The following FHIP1A variants were observed in gnomAD, a reference collection of about 807,000 sequenced individuals.
FHIP1A encodes FHF complex subunit HOOK-interacting protein 1A.
In FHIP1A, 61 loss-of-function variants were observed where a neutral mutation model predicts 88.6. The observed-to-expected ratio is 0.69, with a 90% confidence interval of 0.56 to 0.85. FHIP1A has a LOEUF of 0.85. FHIP1A is among the 40% of genes least tolerant of loss of function. The pLI, the probability that FHIP1A is intolerant of heterozygous loss-of-function variation, is 0.00. For missense variants in FHIP1A, 1,154 were observed against 1,273.5 expected, an observed-to-expected ratio of 0.91 and a Z score of 1.43; for synonymous variants, 478 against 496.0, an observed-to-expected ratio of 0.96 and a Z score of 0.48.
chr4:151,645,452 GA>G (rs1469287775), intron 9 of FHIP1A, among the ~76,000 whole-genome samples: 3 of 152,058 alleles, frequency 2.0e-5, no homozygotes, highest in African/African-American at 7.2e-5. Context: ...AGGTATGGGA[GA>G]TGGTTGAATG....
At chr4:151,604,254 G>A (rs565342234) in intron 7 of FHIP1A, among the ~76,000 whole-genome samples, 1 of 151,854 alleles carries the variant, frequency 6.6e-6, no homozygotes, top group African/African-American at 2.4e-5. Flanking sequence ...GGCAGCTCTC[G>A]GTGCCCATGT....
intron 3 of FHIP1A, among the ~76,000 whole-genome samples, chr4:151,526,886 G>A (rs1233105961): frequency 4.6e-5 from 7 of 151,178 alleles, no homozygotes; most frequent in African/African-American, 1.7e-4. Flanking sequence ...ATCCCGGACG[G>A]GGCGGCAGGG....
chr4:151,576,009 G>C (rs991528304), intron 4 of FHIP1A, among the ~76,000 whole-genome samples: 1 of 152,118 alleles, frequency 6.6e-6, no homozygotes, highest in African/African-American at 2.4e-5. Context: ...ATAAATGTTT[G>C]GTTGTTTAAA....
intron 3 of FHIP1A, among the ~76,000 whole-genome samples, chr4:151,532,095 T>G (rs1731898380): frequency 6.6e-6 from 1 of 152,174 alleles, no homozygotes; most frequent in South Asian, 2.1e-4. Flanking sequence ...AGAAGTTGAG[T>G]AGCTACATGA....
intron 3 of FHIP1A, among the ~76,000 whole-genome samples, chr4:151,564,317 G>A (rs1733295220): frequency 6.6e-6 from 1 of 152,184 alleles, no homozygotes; most frequent in Non-Finnish European, 1.5e-5. Context: ...TAACCTAAAT[G>A]AAAGGCCTTG....
chr4:151,500,830 T>C (rs936398398), intron 3 of FHIP1A, among the ~76,000 whole-genome samples: 2 of 152,164 alleles, frequency 1.3e-5, no homozygotes, highest in African/African-American at 2.4e-5. Context: ...ATACATGAAA[T>C]TGTTGGAGGT....
intron 3 of FHIP1A, among the ~76,000 whole-genome samples, chr4:151,559,703 AT>A (rs945017435): frequency 2.0e-5 from 3 of 152,144 alleles, no homozygotes; most frequent in Non-Finnish European, 2.9e-5. Flanking sequence ...CTTTTCAATC[AT>A]TTACCATTTA....
At chr4:151,485,405 C>T (rs530672850) in intron 3 of FHIP1A, among the ~76,000 whole-genome samples, 11 of 148,514 alleles carry the variant, frequency 7.4e-5, no homozygotes, top group African/African-American at 2.5e-4. Flanking sequence ...ATACCCTTGT[C>T]TTGGTCTTTA....
At chr4:151,568,737 T>C (rs1393886548) in intron 4 of FHIP1A, among the ~76,000 whole-genome samples, 1 of 152,210 alleles carries the variant, frequency 6.6e-6, no homozygotes, top group African/African-American at 2.4e-5. Context: ...GGGGCTATTA[T>C]GGCTGGAAAT....
At chr4:151,581,770 G>T (rs1162640325) in intron 5 of FHIP1A, among the ~76,000 whole-genome samples, 1 of 152,152 alleles carries the variant, frequency 6.6e-6, no homozygotes, top group Non-Finnish European at 1.5e-5. Context: ...TTGAGAAAAA[G>T]GTTTCTCTAA....
At position 151,666,651 on chromosome 4, in the gene FHIP1A, A is replaced by G. The variant is rs7692744; in HGVS notation, c.*3897A>G. 0.049 allele frequency among the ~76,000 whole-genome samples: 7,513 copies of G among 152,254 alleles called. 582 individuals are homozygous for G. Among genetic ancestry groups the G allele is most frequent in the African/African-American group, 0.16 (6,820 of 41,512 alleles). ...TCGAAAGTTGTTTCCAGTGTCTCCA[A>G]ATCAGCTTGGCTGTGGCCGTCATGT... On this transcript the variant is annotated 3_prime_UTR_variant, in exon 14 of 14. Transcript: ENST00000435205.
In FHIP1A at chr4:151,590,774, T is replaced by C. The variant is rs533868830; in HGVS notation, c.978+1848T>C. On this transcript the variant is annotated intron_variant, in intron 7 of 13. Coordinates refer to ENST00000435205, the MANE Select transcript of FHIP1A (RefSeq NM_001109977.3). The stretch of plus-strand genomic sequence containing the variant: ...TTGATCTAGCTCTTTACATATATTA[T>C]GTAATATCCTCAGTTGTGCCCATAA... Among the ~76,000 whole-genome samples, 6 of 152,362 alleles carry C rather than the reference T, an allele frequency of 3.9e-5. No homozygotes were observed. In the East Asian group the frequency reaches 9.6e-4, roughly 24 times the overall value.
chr4:151,531,141 G>A (rs1256406343), intron 3 of FHIP1A, among the ~76,000 whole-genome samples: 3 of 152,006 alleles, frequency 2.0e-5, no homozygotes, highest in East Asian at 1.9e-4. Flanking sequence ...GTATTTGGGA[G>A]CTGAGGTATT....
At chr4:151,657,243 G>A (rs985668047) in intron 13 of FHIP1A, among the ~76,000 whole-genome samples, 1 of 152,102 alleles carries the variant, frequency 6.6e-6, no homozygotes, top group Non-Finnish European at 1.5e-5. Flanking sequence ...TGCACTCTCC[G>A]AGCCATTTTT....
chr4:151,557,346 A>G (rs1054137972), intron 3 of FHIP1A, among the ~76,000 whole-genome samples: 4 of 152,232 alleles, frequency 2.6e-5, no homozygotes, highest in African/African-American at 4.8e-5. Flanking sequence ...AGGGAGAAAT[A>G]GCGCCAAATG....
At chr4:151,514,594 A>G (rs1055735186) in intron 3 of FHIP1A, among the ~76,000 whole-genome samples, 8 of 152,194 alleles carry the variant, frequency 5.3e-5, no homozygotes, top group Non-Finnish European at 1.2e-4. Flanking sequence ...AGAATCAAAT[A>G]GACACAATAA....
At chr4:151,572,777 G>A (rs941239056) in intron 4 of FHIP1A, among the ~76,000 whole-genome samples, 1 of 152,150 alleles carries the variant, frequency 6.6e-6, no homozygotes, top group African/African-American at 2.4e-5. Context: ...AACTTTGGTA[G>A]CATAAATAAT....
At chr4:151,588,648 G>A (rs1734309303) in intron 6 of FHIP1A, among the ~76,000 whole-genome samples, 192 bp from the exon 7 acceptor site, 1 of 152,108 alleles carries the variant, frequency 6.6e-6, no homozygotes, top group Non-Finnish European at 1.5e-5. Context: ...TTTAACCAAG[G>A]TGTTTATACT....
intron 1 of FHIP1A, among the ~76,000 whole-genome samples, chr4:151,418,173 A>C (rs976666746): frequency 2.5e-5 from 1 of 39,808 alleles, no homozygotes; most frequent in African/African-American, 8.2e-5. Flanking sequence ...ACCTATCTCT[A>C]AAAAAAAAAA....
Sources: gnomAD v4.1 joint callset for allele counts (sites outside exome capture counted in the v4.1 genomes callset) on GRCh38, gnomAD v4.1.1 for gene constraint, MANE v1.5 for transcripts, NCBI Gene and HGNC (gene_info 2026-07-23, HGNC 2026-07-21) for gene names.